POP1: variants seen among roughly 807,000 people sequenced by gnomAD.
POP1 encodes the protein ribonucleases P/MRP protein subunit POP1.
A neutral mutation model predicts 102.2 loss-of-function variants in POP1; 75 were observed. The ratio of observed to expected loss-of-function variants is 0.73; its 90% CI spans 0.61 to 0.89. The LOEUF (loss-of-function observed/expected upper bound fraction) is 0.89. Among genes scored for constraint, POP1 ranks in the 40% least tolerant of loss-of-function variants. The probability of loss-of-function intolerance (pLI) is 0.00; values close to 1 mark genes in which losing one functional copy is unlikely to be tolerated. For synonymous variants in POP1, 436 were observed against 464.1 expected (o/e 0.94, Z 0.78); for missense variants, 1,116 against 1,267.4 (o/e 0.88, Z 1.81).
chr8:98,140,926 T>C, intron 11 of POP1, 38 bp downstream of exon 11: 4 of 1,606,598 alleles, frequency 2.5e-6, no homozygotes, highest in Non-Finnish European at 2.6e-6. Context: ...TCCTTACTAT[T>C]TCGAGCAGTC....
chr8:98,139,051 A>G (rs1455672427), intron 9 of POP1, among the ~76,000 whole-genome samples: 6 of 151,962 alleles, frequency 3.9e-5, no homozygotes, highest in East Asian at 1.9e-4. Context: ...CGGTTTCACT[A>G]TGTTGGCCAG....
chr8:98,158,227 G>T lies in POP1; in HGVS notation c.3031G>T (p.Ala1011Ser). The T allele has an allele frequency of 1.9e-6, 3 of 1,612,130 alleles. No individual in the cohort carries two copies. Among genetic ancestry groups the T allele is most frequent in the South Asian group, 1.1e-5 (1 of 91,080 alleles). ...GGGCTTAGTGCTACTGAGGCCTCCC[G>T]CCTCTCTGCAGTATCGATTTGCGAG... ...QRGLVLLRPP[A>S]SLQYRFARIA... Residue 1011 changes from alanine to serine, a missense_variant, in exon 16 of 16, where the codon GCC becomes TCC. Physicochemically the swap from Ala to Ser is moderately conservative, Grantham distance 99 (BLOSUM62 1). Coordinates refer to ENST00000401707, the MANE Select transcript of POP1 (RefSeq NM_001145860.2).
intron 11 of POP1, among the ~76,000 whole-genome samples, chr8:98,145,670 C>G (rs1029588684): frequency 6.6e-6 from 1 of 152,084 alleles, no homozygotes; most frequent in Admixed American, 6.6e-5. Context: ...CTTTGGGAGG[C>G]CGAGGCAGGT....
In POP1 at chr8:98,136,879, G is replaced by T; in HGVS notation, c.1287G>T (p.Met429Ile). The change falls in exon 9 of 16, where the codon ATG (methionine) becomes ATT (isoleucine). Residue 429 changes from methionine (M) to isoleucine (I), a missense_variant. Met to Ile is a conservative substitution (Grantham distance 10). Coordinates refer to ENST00000401707, the MANE Select transcript of POP1 (RefSeq NM_001145860.2). The stretch of plus-strand genomic sequence containing the variant: ...TTTTCAGCGATTTGACGATGGAGAT[G>T]AACAGATTCCGGCTGATTGGGCCAC... Reference protein sequence around the residue: ...GIIISDLTMEMNRFRLIGPLS... With the variant: ...GIIISDLTMEINRFRLIGPLS... 6.2e-7 allele frequency: 1 copy of T among 1,613,966 alleles called. No homozygotes were observed. Among genetic ancestry groups the T allele is most frequent in the African/African-American group, 1.3e-5 (1 of 75,026 alleles).
At position 98,129,980 on chromosome 8, in the gene POP1, G is replaced by A. The variant is rs371691417; in HGVS notation, c.489G>A (p.Ala163=). Residue 163 remains alanine, a splice_region_variant and synonymous_variant, in exon 5 of 16, where the codon GCG becomes GCA. Coordinates refer to ENST00000401707, the MANE Select transcript of POP1 (RefSeq NM_001145860.2). ...TGTCCCTCTACTTGAAACTATAGGC[G>A]GAGAAAGCCGTACATCAGAAAAAAG... ...RRLQEIAQKE[A]EKAVHQKKEH... 1.4e-5 allele frequency: 22 copies of A among 1,613,888 alleles called. No individual in the cohort carries two copies. The East Asian group carries it at 1.6e-4, about 11-fold the overall frequency.
intron 2 of POP1, among the ~76,000 whole-genome samples, chr8:98,125,037 G>C (rs541725999): frequency 2.3e-4 from 35 of 152,256 alleles, no homozygotes; most frequent in African/African-American, 7.9e-4. Context: ...CATGCCATAT[G>C]ATAAGGCTTT....
chr8:98,134,085 T>G (rs754937853), intron 6 of POP1, 49 bp downstream of exon 6: 1 of 1,381,114 alleles, frequency 7.2e-7, no homozygotes, highest in African/African-American at 1.4e-5. Flanking sequence ...GTATATTTAT[T>G]CATTTCATAA....
chr8:98,136,654 C>G lies in POP1; in HGVS notation c.1184C>G (p.Pro395Arg), dbSNP rs776490958. Reference protein sequence around the residue: ...KRKDDGENAKPIKKIIGDGTR... With the variant: ...KRKDDGENAKRIKKIIGDGTR... The stretch of plus-strand genomic sequence containing the variant: ...AAAGATGATGGAGAAAATGCTAAAC[C>G]AATTAAAAAAATTATCGGTGATGGA... Residue 395 changes from proline to arginine, a missense_variant, in exon 8 of 16, where the codon CCA becomes CGA. Physicochemically the swap from Pro to Arg is moderately radical, Grantham distance 103. Coordinates refer to ENST00000401707, the MANE Select transcript of POP1 (RefSeq NM_001145860.2). The G allele has an allele frequency of 2.5e-6, 4 of 1,613,144 alleles. No individual in the cohort carries two copies. The African/African-American group carries it at 4.0e-5, about 16-fold the overall frequency.
intron 9 of POP1, among the ~76,000 whole-genome samples, chr8:98,138,287 G>A (rs1039719164): frequency 1.4e-5 from 2 of 147,276 alleles, no homozygotes; most frequent in East Asian, 4.0e-4. Context: ...GTAATCTTGT[G>A]CCTTCTTGCC....
intron 5 of POP1, among the ~76,000 whole-genome samples, chr8:98,132,475 A>G (rs937852909): frequency 2.0e-5 from 3 of 152,210 alleles, no homozygotes; most frequent in African/African-American, 7.2e-5. Context: ...ATATTGATTG[A>G]CATGCGTTGT....
rs1242899976 is a variant in POP1, at chr8:98,128,351, A to G, written c.311-14A>G. The G allele has an allele frequency of 6.2e-7, 1 of 1,613,320 alleles. No homozygotes were observed. Among genetic ancestry groups the G allele is most frequent in the South Asian group, 1.1e-5 (1 of 91,022 alleles). On this transcript the variant is annotated splice_polypyrimidine_tract_variant and intron_variant, in intron 3 of 15. Coordinates refer to ENST00000401707, the MANE Select transcript of POP1 (RefSeq NM_001145860.2). ...AAGATTGGTGTTTAATGACTTTGTC[A>G]TCTCCTTCAACAGCTTCTACTTTTG...
chr8:98,157,821 C>G lies in POP1; in HGVS notation c.2625C>G (p.Ile875Met). The part of the protein sequence containing the change: ...SKGSPEPHTM[I>M]CVPAKEDFLQ... Reference sequence around the variant, plus strand: ...GCAGCCCCGAGCCTCACACCATGATCTGTGTCCCAGCCAAGGAGGACTTCC... The same window carrying G: ...GCAGCCCCGAGCCTCACACCATGATGTGTGTCCCAGCCAAGGAGGACTTCC... Residue 875 changes from isoleucine to methionine, a missense_variant, in exon 16 of 16, where the codon ATC becomes ATG. Coordinates refer to ENST00000401707, the MANE Select transcript of POP1 (RefSeq NM_001145860.2). The G allele has an allele frequency of 6.2e-7, 1 of 1,614,204 alleles. No homozygotes were observed. The highest frequency in any genetic ancestry group is 8.5e-7 in the Non-Finnish European group (1 of 1,179,982).
Position 98,148,912 on chromosome 8 carries a change from C to G in POP1, c.1808C>G (p.Pro603Arg). ...SKIPILLIQQ[P>R]GKVTGEDRLG... ...ATACCTATACTTTTGATTCAGCAGCCAGGAAAAGTGACTGGTGAAGATCGA... is the reference window on the plus strand; with the variant it reads ...ATACCTATACTTTTGATTCAGCAGCGAGGAAAAGTGACTGGTGAAGATCGA... Residue 603 changes from proline (P) to arginine (R), a missense_variant, in exon 13 of 16, where the codon CCA becomes CGA. Pro to Arg is a moderately radical substitution (Grantham distance 103). Coordinates refer to ENST00000401707, the MANE Select transcript of POP1 (RefSeq NM_001145860.2). 1 of 1,613,886 alleles carries G rather than the reference C, an allele frequency of 6.2e-7. No individual in the cohort carries two copies. The highest frequency in any genetic ancestry group is 8.5e-7 in the Non-Finnish European group (1 of 1,179,890).
chr8:98,140,719 A>G, intron 10 of POP1, 50 bp from the exon 11 acceptor site: 2 of 1,580,564 alleles, frequency 1.3e-6, no homozygotes, highest in South Asian at 2.2e-5. Context: ...AAGCAAATAC[A>G]GATGTATTAT....
At chr8:98,139,923 A>G (rs970112557) in intron 9 of POP1, among the ~76,000 whole-genome samples, 155 bp from the exon 10 acceptor site, 1 of 152,232 alleles carries the variant, frequency 6.6e-6, no homozygotes, top group Non-Finnish European at 1.5e-5. Flanking sequence ...ATTAATTACT[A>G]TGTTAAGTAT....
rs758546877 is a variant in POP1, at chr8:98,157,995, G to A, written c.2799G>A (p.Gly933=). ...PGRASSDGPA[G]EEPVAGQEAL... Reference sequence around the variant, plus strand: ...GTGCCTCTTCTGATGGCCCGGCGGGGGAAGAGCCCGTGGCTGGGCAGGAAG... The same window carrying A: ...GTGCCTCTTCTGATGGCCCGGCGGGAGAAGAGCCCGTGGCTGGGCAGGAAG... Residue 933 remains glycine (G), a synonymous_variant, in exon 16 of 16, where the codon GGG becomes GGA. Coordinates refer to ENST00000401707, the MANE Select transcript of POP1 (RefSeq NM_001145860.2). The A allele has an allele frequency of 1.8e-5, 29 of 1,612,734 alleles. No homozygotes were observed. The Admixed American group carries it at 4.7e-4, about 26-fold the overall frequency.
At chr8:98,121,243 A>G (rs1354913273) in intron 1 of POP1, among the ~76,000 whole-genome samples, 2 of 152,234 alleles carry the variant, frequency 1.3e-5, no homozygotes, top group Non-Finnish European at 2.9e-5. Context: ...ACACTATACC[A>G]TATAGGCAAG....
intron 9 of POP1, among the ~76,000 whole-genome samples, chr8:98,138,156 C>T (rs1351177094): frequency 6.6e-6 from 1 of 152,216 alleles, no homozygotes; most frequent in Admixed American, 6.5e-5. Flanking sequence ...GCCCATTCTC[C>T]ACACAAGAGG....
chr8:98,127,650 G>A lies in POP1; in HGVS notation c.198G>A (p.Leu66=). Reference sequence around the variant, plus strand: ...AAACCAGAGTCAACCCCCATTCTCTGCCTGACCCTGAAGTGAATGAGCAGT... The same window carrying A: ...AAACCAGAGTCAACCCCCATTCTCTACCTGACCCTGAAGTGAATGAGCAGT... The part of the protein sequence containing the change: ...QRQTRVNPHS[L]PDPEVNEQSS... The change falls in exon 3 of 16, where the codon CTG becomes CTA. Residue 66 remains leucine, a synonymous_variant. Transcript: ENST00000401707. The A allele has an allele frequency of 6.2e-7, 1 of 1,614,150 alleles. No homozygotes were observed. Among genetic ancestry groups the A allele is most frequent in the Non-Finnish European group, 8.5e-7 (1 of 1,180,034 alleles).
Sources: gnomAD v4.1 joint callset for allele counts (sites outside exome capture counted in the v4.1 genomes callset) on GRCh38, gnomAD v4.1.1 for gene constraint, MANE v1.5 for transcripts, NCBI Gene and HGNC (gene_info 2026-07-23, HGNC 2026-07-21) for gene names.